CPXM2: variants seen among roughly 807,000 people sequenced by gnomAD.
The protein encoded by CPXM2 is carboxypeptidase X, M14 family member 2, also known as inactive carboxypeptidase-like protein X2.
In CPXM2, 66 loss-of-function variants were observed where a neutral mutation model predicts 86.1. That is an observed-to-expected ratio of 0.77 (90% CI 0.63 to 0.94). CPXM2 has a LOEUF of 0.94. CPXM2 is among the 40% of genes least tolerant of loss of function. CPXM2 has a pLI of 0.00. For synonymous variants in CPXM2, 388 were observed against 400.2 expected (o/e 0.97, Z 0.36); for missense variants, 948 against 1,026.3 (o/e 0.92, Z 1.04).
At chr10:123,824,964 ATCATGTCTTT>A (rs1848015414) in intron 4 of CPXM2, among the ~76,000 whole-genome samples, 1 of 152,236 alleles carries the variant, frequency 6.6e-6, no homozygotes, top group African/African-American at 2.4e-5. Flanking sequence ...ACCTGGAGGA[ATCATGTCTTT>A]TCCTGTTTGA....
chr10:123,770,525 T>C (rs1846603056), intron 8 of CPXM2, among the ~76,000 whole-genome samples: 1 of 152,162 alleles, frequency 6.6e-6, no homozygotes, highest in African/African-American at 2.4e-5. Context: ...AAAAATATAA[T>C]TGAATTTTTT....
chr10:123,825,164 A>C (rs1485867119), intron 4 of CPXM2, among the ~76,000 whole-genome samples: 1 of 152,180 alleles, frequency 6.6e-6, no homozygotes, highest in African/African-American at 2.4e-5. Flanking sequence ...TAGTGGCTAG[A>C]TTACATGTAG....
intron 4 of CPXM2, among the ~76,000 whole-genome samples, chr10:123,817,395 GC>G (rs940562170): frequency 6.6e-6 from 1 of 152,142 alleles, no homozygotes; most frequent in African/African-American, 2.4e-5. Flanking sequence ...TTGGAGCAAG[GC>G]CCTGCCATCT....
At chr10:123,903,734 A>G (rs999104140) in intron 2 of CPXM2, among the ~76,000 whole-genome samples, 7 of 152,256 alleles carry the variant, frequency 4.6e-5, no homozygotes, top group African/African-American at 1.4e-4. Flanking sequence ...AGCATTCCCC[A>G]GTTGGCACAG....
upstream of CPXM2, among the ~76,000 whole-genome samples, chr10:123,892,513 C>T (rs138222970): frequency 3.5e-3 from 529 of 152,308 alleles, 4 homozygotes; most frequent in Middle Eastern, 0.01. Context: ...TTATGCGGAG[C>T]CCAGGCCCAT....
chr10:123,780,595 G>C (rs116653785), intron 6 of CPXM2, among the ~76,000 whole-genome samples: 1 of 152,240 alleles, frequency 6.6e-6, no homozygotes, highest in East Asian at 1.9e-4. Flanking sequence ...TTTATTTTTA[G>C]CATAAATGGG....
intron 7 of CPXM2, among the ~76,000 whole-genome samples, chr10:123,771,584 T>G (rs535399504): frequency 2.0e-5 from 3 of 152,170 alleles, no homozygotes; most frequent in Non-Finnish European, 4.4e-5. Flanking sequence ...CCTCTAGAAC[T>G]CTGAATAGAT....
upstream of CPXM2, chr10:123,940,367 C>G (rs11493071): frequency 0.75 from 114,179 of 152,240 alleles, 43,364 homozygotes; most frequent in East Asian, 0.98. Flanking sequence ...CAGGACATCT[C>G]TGTCATTGTG....
At chr10:123,787,060 T>C (rs926492680) in intron 6 of CPXM2, among the ~76,000 whole-genome samples, 2 of 152,112 alleles carry the variant, frequency 1.3e-5, no homozygotes, top group African/African-American at 4.8e-5. Flanking sequence ...CCGTGGTGAT[T>C]TGGGACTCAG....
intron 6 of CPXM2, among the ~76,000 whole-genome samples, chr10:123,780,664 G>A (rs1240215200): frequency 6.6e-6 from 1 of 152,174 alleles, no homozygotes; most frequent in Non-Finnish European, 1.5e-5. Flanking sequence ...TGAATATCGT[G>A]ACTACACACA....
chr10:123,912,541 G>A (rs1590118917), intron 2 of CPXM2, among the ~76,000 whole-genome samples: 1 of 152,222 alleles, frequency 6.6e-6, no homozygotes, highest in East Asian at 1.9e-4. Context: ...AAGAAGGGGA[G>A]GGGCTGGTGG....
At chr10:123,902,493 C>CAG (rs139755465) in intron 2 of CPXM2, among the ~76,000 whole-genome samples, 18,932 of 152,140 alleles carry the variant, frequency 0.12, 1,521 homozygotes, top group African/African-American at 0.22. Flanking sequence ...ATACTATAGA[C>CAG]GGGGGCCTAT....
upstream of CPXM2, among the ~76,000 whole-genome samples, chr10:123,892,330 C>T (rs991960880): frequency 6.6e-6 from 1 of 152,104 alleles, no homozygotes; most frequent in African/African-American, 2.4e-5. Flanking sequence ...CTGGAGGAGC[C>T]CTCTCCCATC....
upstream of CPXM2, among the ~76,000 whole-genome samples, chr10:123,895,126 T>TTC (rs1326451228): frequency 1.2e-4 from 14 of 115,492 alleles, no homozygotes; most frequent in South Asian, 3.1e-4. Flanking sequence ...TTTTTCTTTT[T>TTC]TTTTTTTTTT....
At chr10:123,757,708 T>TTTAA (rs1846247105) in intron 11 of CPXM2, among the ~76,000 whole-genome samples, 1 of 152,204 alleles carries the variant, frequency 6.6e-6, no homozygotes, top group African/African-American at 2.4e-5. Flanking sequence ...CACTATAGGT[T>TTTAA]TTAAGTGTTT....
intron 7 of CPXM2, among the ~76,000 whole-genome samples, chr10:123,772,151 G>C (rs1179771315): frequency 1.3e-5 from 2 of 151,994 alleles, no homozygotes; most frequent in Non-Finnish European, 2.9e-5. Context: ...TACCTCTTTG[G>C]TTGTGATCAT....
chr10:123,795,690 A>G (rs1847321500), intron 6 of CPXM2, among the ~76,000 whole-genome samples: 1 of 151,998 alleles, frequency 6.6e-6, no homozygotes, highest in Admixed American at 6.5e-5. Context: ...GCAAACTGCT[A>G]AGTAACTTCT....
At chr10:123,875,601 T>C (rs1944969385) in intron 2 of CPXM2, among the ~76,000 whole-genome samples, 1 of 152,094 alleles carries the variant, frequency 6.6e-6, no homozygotes, top group Non-Finnish European at 1.5e-5. Flanking sequence ...CTGTCTGTGA[T>C]GCAATGAAAA....
chr10:123,814,460 C>T (rs1418603635), intron 4 of CPXM2, among the ~76,000 whole-genome samples: 1 of 152,178 alleles, frequency 6.6e-6, no homozygotes, highest in Non-Finnish European at 1.5e-5. Flanking sequence ...TATTGTGGGA[C>T]ACTGTGATCA....
Sources: allele counts gnomAD v4.1 joint callset (sites outside exome capture counted in the v4.1 genomes callset), GRCh38; gene constraint gnomAD v4.1.1; transcripts MANE v1.5; gene names NCBI Gene and HGNC (gene_info 2026-07-23, HGNC 2026-07-21).